SPECC1: variants seen among roughly 807,000 people sequenced by gnomAD.
SPECC1 encodes cytospin-B.
Under a neutral mutation model 104.1 loss-of-function variants are expected in SPECC1, and 62 were observed. The observed-to-expected ratio is 0.60, with a 90% confidence interval of 0.49 to 0.74. SPECC1 has a LOEUF of 0.74. SPECC1 is among the 30% of genes least tolerant of loss of function. The probability of loss-of-function intolerance (pLI) is 0.00; values close to 1 mark genes in which losing one functional copy is unlikely to be tolerated. For missense variants in SPECC1, 1,306 were observed against 1,310.5 expected, an observed-to-expected ratio of 1.00 and a Z score of 0.05; for synonymous variants, 513 against 501.6, an observed-to-expected ratio of 1.02 and a Z score of -0.30.
At chr17:20,222,629 T>C (rs919120595) in intron 4 of SPECC1, among the ~76,000 whole-genome samples, 3 of 152,250 alleles carry the variant, frequency 2.0e-5, no homozygotes, top group Admixed American at 6.5e-5. Flanking sequence ...TTAGTCTTTC[T>C]GTTTAAGATA....
intron 3 of SPECC1, among the ~76,000 whole-genome samples, chr17:20,120,043 G>T (rs2048952697): frequency 1.3e-5 from 2 of 152,182 alleles, no homozygotes; most frequent in Admixed American, 1.3e-4. Context: ...TTATGGTCCT[G>T]AGCATTTTGG....
chr17:20,232,122 C>A, intron 6 of SPECC1, 78 bp from the exon 7 acceptor site: 1 of 1,541,300 alleles, frequency 6.5e-7, no homozygotes, highest in Non-Finnish European at 8.9e-7. Context: ...TGGTGACCAA[C>A]ACGGGGACTC....
At chr17:20,045,727 G>T (rs1483343845) in intron 1 of SPECC1, among the ~76,000 whole-genome samples, 1 of 152,160 alleles carries the variant, frequency 6.6e-6, no homozygotes, top group African/African-American at 2.4e-5. Flanking sequence ...ACTTGGCAGG[G>T]TTGGCCAGGT....
At chr17:20,172,480 G>T (rs1412042203) in intron 3 of SPECC1, among the ~76,000 whole-genome samples, 2 of 152,168 alleles carry the variant, frequency 1.3e-5, no homozygotes, top group Admixed American at 1.3e-4. Flanking sequence ...TCTCTCTCAG[G>T]GGGCAAGTCT....
chr17:20,276,173 G>T (rs1301371087), intron 12 of SPECC1, among the ~76,000 whole-genome samples: 1 of 151,962 alleles, frequency 6.6e-6, no homozygotes, highest in Non-Finnish European at 1.5e-5. Context: ...CTAGAGTGTA[G>T]TGGCACAATC....
chr17:20,032,819 A>G (rs1476114764), intron 1 of SPECC1, among the ~76,000 whole-genome samples: 1 of 151,740 alleles, frequency 6.6e-6, no homozygotes, highest in Non-Finnish European at 1.5e-5. Context: ...GTGATACCCC[A>G]TCCTATCATA....
chr17:20,110,706 C>A, intron 3 of SPECC1, 144 bp downstream of exon 3: 5 of 984,366 alleles, frequency 5.1e-6, no homozygotes, highest in Non-Finnish European at 7.0e-6. Flanking sequence ...TTTAGGCAGA[C>A]GATGTCGCTG....
chr17:20,068,317 A>T (rs1248549871), intron 1 of SPECC1, among the ~76,000 whole-genome samples: 3 of 152,256 alleles, frequency 2.0e-5, no homozygotes, highest in Non-Finnish European at 1.5e-5. Flanking sequence ...GTATCGGTAC[A>T]TTATTCCTTT....
chr17:20,199,840 C>T lies in SPECC1; in HGVS notation c.284-4493C>T, dbSNP rs189373978. Among the ~76,000 whole-genome samples, 4 of 151,992 alleles carry T rather than the reference C, an allele frequency of 2.6e-5. No individual in the cohort carries two copies. The East Asian group carries it at 5.8e-4, about 22-fold the overall frequency. ...AGTCTCGCTCTGTTGCCCAGGCTGGCGTGCAGTGGCGTGATCTTGGCTCAC... is the reference window on the plus strand; with the variant it reads ...AGTCTCGCTCTGTTGCCCAGGCTGGTGTGCAGTGGCGTGATCTTGGCTCAC... On this transcript the variant is annotated intron_variant, in intron 3 of 14. Transcript: ENST00000395527.
At chr17:20,093,088 A>T (rs144976838) in intron 1 of SPECC1, among the ~76,000 whole-genome samples, 16 of 152,332 alleles carry the variant, frequency 1.1e-4, no homozygotes, top group African/African-American at 3.8e-4. Context: ...GATATGTCTT[A>T]GTCTGTTCAG....
At chr17:20,199,788 CTTATT>C (rs150775542) in intron 3 of SPECC1, among the ~76,000 whole-genome samples, 5,791 of 151,752 alleles carry the variant, frequency 0.038, 356 homozygotes, top group African/African-American at 0.13. Flanking sequence ...TATCTTGTGT[CTTATT>C]TTATTTTATT....
At chr17:20,242,099 G>T (rs1195903690) in intron 7 of SPECC1, among the ~76,000 whole-genome samples, 1 of 152,206 alleles carries the variant, frequency 6.6e-6, no homozygotes, top group East Asian at 1.9e-4. Flanking sequence ...TAGCAGTGGT[G>T]CCATACAACA....
At chr17:20,265,341 C>G (rs1275260271) in intron 12 of SPECC1, among the ~76,000 whole-genome samples, 1 of 152,048 alleles carries the variant, frequency 6.6e-6, no homozygotes, top group Non-Finnish European at 1.5e-5. Context: ...GGTTTTGATT[C>G]GTATTTCTTT....
intron 13 of SPECC1, among the ~76,000 whole-genome samples, chr17:20,300,974 C>T (rs773205540): frequency 6.6e-6 from 1 of 152,160 alleles, no homozygotes; most frequent in African/African-American, 2.4e-5. Flanking sequence ...TTGCTAATTA[C>T]AGCCCGTTTG....
At chr17:20,023,003 A>G (rs1187723327) in intron 1 of SPECC1, among the ~76,000 whole-genome samples, 1 of 152,198 alleles carries the variant, frequency 6.6e-6, no homozygotes, top group African/African-American at 2.4e-5. Context: ...GGATCGGCTC[A>G]TTCCTTTTTG....
At chr17:20,093,733 GTT>G (rs10578540) in intron 1 of SPECC1, among the ~76,000 whole-genome samples, 58,208 of 128,758 alleles carry the variant, frequency 0.45, 12,176 homozygotes, top group Middle Eastern at 0.56. Flanking sequence ...TTTGTTTTTT[GTT>G]TTTTTTTTTT....
chr17:20,314,214 A>C lies in SPECC1; in HGVS notation c.*149A>C. 1 of 669,350 alleles carries C rather than the reference A, an allele frequency of 1.5e-6. No homozygotes were observed. Among genetic ancestry groups the C allele is most frequent in the Non-Finnish European group, 2.7e-6 (1 of 377,216 alleles). The allele number at this position is 669,350 out of a possible 1,614,324, so 41.5% of individuals were successfully genotyped here. A position where few individuals can be genotyped will look rare whatever the true frequency, so the allele number is the denominator to read the frequency against. On this transcript the variant is annotated 3_prime_UTR_variant, in exon 15 of 15. Transcript: ENST00000395527. Reference sequence around the variant, plus strand: ...AATCCAAGTGGACCAACACCCAAATAAGAAACAGAGTGGGTCCCACGATGT... The same window carrying C: ...AATCCAAGTGGACCAACACCCAAATCAGAAACAGAGTGGGTCCCACGATGT...
chr17:20,101,022 T>TC (rs2047920811), intron 2 of SPECC1, among the ~76,000 whole-genome samples: 1 of 152,258 alleles, frequency 6.6e-6, no homozygotes, highest in South Asian at 2.1e-4. Flanking sequence ...TGCATAGTAT[T>TC]CCATGGTGTA....
At position 20,235,987 on chromosome 17, in the gene SPECC1, C is replaced by T. The variant is rs186502767; in HGVS notation, c.2351+3582C>T. On this transcript the variant is annotated intron_variant, in intron 7 of 14. Transcript: ENST00000395527. Reference sequence around the variant, plus strand: ...AGTGTCACTGTGTGTGCCTGTGCTGCCCTCTGTGTTGCTCTGATGGCTCTA... The same window carrying T: ...AGTGTCACTGTGTGTGCCTGTGCTGTCCTCTGTGTTGCTCTGATGGCTCTA... Among the ~76,000 whole-genome samples, 550 of 152,296 alleles carry T rather than the reference C, an allele frequency of 3.6e-3. 5 individuals are homozygous for T. The highest frequency in any genetic ancestry group is 4.1e-3 in the Non-Finnish European group (279 of 68,016).
Sources: allele counts gnomAD v4.1 joint callset (sites outside exome capture counted in the v4.1 genomes callset), GRCh38; gene constraint gnomAD v4.1.1; transcripts MANE v1.5; gene names NCBI Gene and HGNC (gene_info 2026-07-23, HGNC 2026-07-21).